The following TMPRSS12 variants were observed in gnomAD, a reference collection of about 807,000 sequenced individuals.
The protein encoded by TMPRSS12 is transmembrane protease serine 12.
TMPRSS12 carries 25 observed loss-of-function variants against 26.0 expected under a neutral mutation model. The observed-to-expected ratio is 0.96, with a 90% CI of 0.70 to 1.34. The LOEUF is 1.34. Ranked by LOEUF, TMPRSS12 falls within the 40% of genes most tolerant of loss-of-function variation. The pLI is 0.00. For missense variants in TMPRSS12, 441 were observed against 440.1 expected, an observed-to-expected ratio of 1.00 and a Z score of -0.02; for synonymous variants, 150 against 161.7, an observed-to-expected ratio of 0.93 and a Z score of 0.55.
chr12:50,848,891 G>T (rs986080920), intron 2 of TMPRSS12, among the ~76,000 whole-genome samples: 3 of 152,172 alleles, frequency 2.0e-5, no homozygotes, highest in Non-Finnish European at 4.4e-5. Flanking sequence ...TTGAGACAGG[G>T]TCTTGCTCTA....
intron 3 of TMPRSS12, among the ~76,000 whole-genome samples, chr12:50,873,095 C>T (rs1000489207): frequency 6.6e-5 from 10 of 151,646 alleles, no homozygotes; most frequent in Admixed American, 4.6e-4. Context: ...GAATGGAAAA[C>T]CAAACATCAT....
At chr12:50,859,900 G>C (rs844175) in intron 3 of TMPRSS12, among the ~76,000 whole-genome samples, 98,600 of 152,106 alleles carry the variant, frequency 0.65, 32,268 homozygotes, top group Non-Finnish European at 0.7. Context: ...ATGCCTGACT[G>C]TGTTTCACTC....
chr12:50,883,333 C>G (rs1938193711), intron 3 of TMPRSS12, among the ~76,000 whole-genome samples: 1 of 152,030 alleles, frequency 6.6e-6, no homozygotes, highest in Non-Finnish European at 1.5e-5. Context: ...AGGACGCTGA[C>G]TCAAAAAAAA....
intron 3 of TMPRSS12, among the ~76,000 whole-genome samples, chr12:50,878,383 A>G (rs188637092): frequency 6.6e-6 from 1 of 151,974 alleles, no homozygotes; most frequent in Non-Finnish European, 1.5e-5. Flanking sequence ...GAATTTAAAG[A>G]CCAGCCTGCG....
rs752177223 is a variant in TMPRSS12, at chr12:50,843,143, A to G, written c.179A>G (p.His60Arg). The G allele has an allele frequency of 1.3e-6, 2 of 1,565,148 alleles. No homozygotes were observed. Among genetic ancestry groups the G allele is most frequent in the East Asian group, 2.3e-5 (1 of 42,702 alleles). The change falls in exon 1 of 5, where the codon CAT becomes CGT. Residue 60 changes from histidine (H) to arginine (R), a missense_variant. Transcript: ENST00000398458. ...CGGCGGCGGAGGGAGGGAGGGGCGC[A>G]TGCAGAGGGCAGTACCTGTTCGTGC... ...RLRRRREGGA[H>R]AEDCGTAPLK...
rs1339864428 is a variant in TMPRSS12 at position 50,872,686 on chromosome 12, G to GTGTA, written c.653-12560_653-12559insTGTA. Among the ~76,000 whole-genome samples, 11 of 106,946 alleles carry GTGTA rather than the reference G, an allele frequency of 1.0e-4. 1 individual carries two copies. The highest frequency in any genetic ancestry group is 1.7e-4 in the Non-Finnish European group (9 of 53,250). 70.2% of individuals were successfully genotyped at this position (106,946 alleles called of 152,430 possible). On this transcript the variant is annotated intron_variant, in intron 3 of 4. Transcript: ENST00000398458. ...ATATGTACATATATATGACGTATAT[G>GTGTA]CACATATATATGACGTATATGTGTA...
intron 3 of TMPRSS12, among the ~76,000 whole-genome samples, chr12:50,883,925 C>A (rs999315684): frequency 6.6e-6 from 1 of 152,040 alleles, no homozygotes; most frequent in African/African-American, 2.4e-5. Flanking sequence ...TTGCTTGAGC[C>A]CAGGAGTTTG....
Position 50,844,969 on chromosome 12 carries a change from T to C in TMPRSS12, c.383+932T>C, listed in dbSNP as rs1316768308. On this transcript the variant is annotated intron_variant, in intron 2 of 4. Transcript: ENST00000398458. ...TGGGAAGCCAAGACGGGAGGATCAC[T>C]TGAGGCCAGGAGTTTGAGACCAGCC... Among the ~76,000 whole-genome samples, 4 of 152,316 alleles carry C rather than the reference T, an allele frequency of 2.6e-5. No homozygotes were observed. The East Asian group carries it at 5.8e-4, about 22-fold the overall frequency.
At chr12:50,853,144 G>A (rs182078561) in intron 2 of TMPRSS12, among the ~76,000 whole-genome samples, 39 of 152,140 alleles carry the variant, frequency 2.6e-4, no homozygotes, top group Admixed American at 1.8e-3. Flanking sequence ...GGATCACAAC[G>A]TGATAAAAAT....
At chr12:50,848,127 T>C (rs1222441501) in intron 2 of TMPRSS12, 1 of 151,788 alleles carries the variant, frequency 6.6e-6, no homozygotes, top group Non-Finnish European at 1.5e-5. Context: ...GTTTGGAAAC[T>C]CTGTTGGAAA....
At chr12:50,849,779 A>G (rs1036497333) in intron 2 of TMPRSS12, among the ~76,000 whole-genome samples, 5 of 152,160 alleles carry the variant, frequency 3.3e-5, no homozygotes, top group Admixed American at 3.3e-4. Context: ...AACATGTAGT[A>G]AAATTCATTA....
At chr12:50,847,671 G>A (rs1021150680) in intron 2 of TMPRSS12, among the ~76,000 whole-genome samples, 1 of 151,902 alleles carries the variant, frequency 6.6e-6, no homozygotes, top group Non-Finnish European at 1.5e-5. Flanking sequence ...TGAGGCAGGA[G>A]GATCACCTGA....
intron 2 of TMPRSS12, among the ~76,000 whole-genome samples, chr12:50,844,921 T>C (rs565753908): frequency 4.0e-4 from 61 of 152,200 alleles, no homozygotes; most frequent in Non-Finnish European, 7.3e-4. Context: ...GCATGTTGGC[T>C]CATATTTGTT....
At chr12:50,850,130 T>G (rs1481009384) in intron 2 of TMPRSS12, among the ~76,000 whole-genome samples, 1 of 152,170 alleles carries the variant, frequency 6.6e-6, no homozygotes, top group East Asian at 1.9e-4. Context: ...ATAGTTTGAG[T>G]GTCCCCTCCA....
At position 50,870,038 on chromosome 12, in the gene TMPRSS12, G is replaced by A. The variant is rs181177663; in HGVS notation, c.652+10985G>A. ...GCGGAGGTTGCAGTGAGCTGAGATC[G>A]TGCCACTGCACTCCAGCCTGGGCGA... On this transcript the variant is annotated intron_variant, in intron 3 of 4. Transcript: ENST00000398458. Among the ~76,000 whole-genome samples, 8 of 152,182 alleles carry A rather than the reference G, an allele frequency of 5.3e-5. No homozygotes were observed. In the South Asian group the frequency reaches 6.2e-4, roughly 12 times the overall value.
At chr12:50,885,499 T>G (rs1938217257) in intron 4 of TMPRSS12, 111 bp downstream of exon 4, 2 of 1,270,106 alleles carry the variant, frequency 1.6e-6, no homozygotes, top group Non-Finnish European at 2.3e-6. Context: ...CTAAAAATAA[T>G]AAATCATTTT....
intron 3 of TMPRSS12, among the ~76,000 whole-genome samples, chr12:50,862,818 C>T (rs1304965662): frequency 7.9e-5 from 12 of 151,954 alleles, no homozygotes; most frequent in African/African-American, 2.9e-4. Context: ...TGAGCCCCTG[C>T]ACCCGCCTTG....
chr12:50,873,421 G>A (rs947152391), intron 3 of TMPRSS12, among the ~76,000 whole-genome samples: 6 of 152,126 alleles, frequency 3.9e-5, no homozygotes, highest in African/African-American at 1.4e-4. Flanking sequence ...GCCTACAATT[G>A]TGTATCCAGC....
chr12:50,869,257 A>G (rs1253858092), intron 3 of TMPRSS12, among the ~76,000 whole-genome samples: 1 of 152,168 alleles, frequency 6.6e-6, no homozygotes, highest in Non-Finnish European at 1.5e-5. Flanking sequence ...CATTAGCAGG[A>G]TTAACCAAGA....
Sources: gnomAD v4.1 joint callset for allele counts (sites outside exome capture counted in the v4.1 genomes callset) on GRCh38, gnomAD v4.1.1 for gene constraint, MANE v1.5 for transcripts, NCBI Gene and HGNC (gene_info 2026-07-23, HGNC 2026-07-21) for gene names.